NSD3: variants seen among roughly 807,000 people sequenced by gnomAD.
The protein encoded by NSD3 is nuclear receptor binding SET domain protein 3.
In NSD3, 24 loss-of-function variants were observed where a neutral mutation model predicts 160.8. The ratio of observed to expected loss-of-function variants is 0.15; its 90% CI spans 0.11 to 0.21. The LOEUF is 0.21. Ranked by LOEUF, NSD3 falls within the 10% of genes least tolerant of loss-of-function variation. The pLI is 1.00. For missense variants in NSD3, 1,157 were observed against 1,735.9 expected, an observed-to-expected ratio of 0.67 and a Z score of 5.93; for synonymous variants, 520 against 600.0, an observed-to-expected ratio of 0.87 and a Z score of 1.95.
rs1809752489 is a variant in NSD3 at position 38,319,712 on chromosome 8, A to G, written c.1810-772T>C. 6.6e-6 allele frequency: 1 copy of G among 152,248 alleles called. No individual in the cohort carries two copies. Among genetic ancestry groups the G allele is most frequent in the Non-Finnish European group, 1.5e-5 (1 of 68,048 alleles). 9.4% of individuals were successfully genotyped at this position (152,248 alleles called of 1,614,324 possible). On this transcript the variant is annotated intron_variant, in intron 8 of 23. Transcript: ENST00000317025. This position sits in a 1 kb window ranked among gnomAD's most constrained non-coding sequence, Gnocchi z 4.1. ...ATGTTTCTTTAAGATGTGGTGAAAT[A>G]TGAATGTTGAAACACATTTTGTAAA...
intron 20 of NSD3, among the ~76,000 whole-genome samples, chr8:38,280,715 G>C (rs376279960): frequency 3.3e-5 from 5 of 151,400 alleles, no homozygotes; most frequent in African/African-American, 1.2e-4. Flanking sequence ...TAAACTAGCA[G>C]CTTTACTGTC....
At position 38,305,265 on chromosome 8, in the gene NSD3, A is replaced by C. The variant is rs918244544; in HGVS notation, c.2423T>G (p.Ile808Ser). Reference protein sequence around the residue: ...CCSACSMEKDIHKASKGRMMR... With the variant: ...CCSACSMEKDSHKASKGRMMR... ...TGTTTTACCTTTACTTGCTTTGTGG[A>C]TATCTTTCTCCATAGAGCAGGCAGA... Residue 808 changes from isoleucine to serine, a missense_variant, in exon 13 of 24, where the codon ATC becomes AGC. Around this residue, in one of 10 missense-constraint regions of NSD3, gnomAD observed 437 missense variants for 576.6 expected, o/e 0.76. Coordinates refer to ENST00000317025, the MANE Select transcript of NSD3 (RefSeq NM_023034.2). 6.2e-7 allele frequency: 1 copy of C among 1,613,938 alleles called. No homozygotes were observed. Among genetic ancestry groups the C allele is most frequent in the African/African-American group, 1.3e-5 (1 of 74,922 alleles).
At chr8:38,357,155 T>C (rs1477736156) in intron 1 of NSD3, among the ~76,000 whole-genome samples, 2 of 148,776 alleles carry the variant, frequency 1.3e-5, no homozygotes, top group Non-Finnish European at 3.0e-5. Flanking sequence ...AATCCTTACA[T>C]TGATATCATT....
chr8:38,341,443 C>T (rs991341804), intron 2 of NSD3, among the ~76,000 whole-genome samples: 6 of 149,668 alleles, frequency 4.0e-5, no homozygotes, highest in Non-Finnish European at 7.4e-5. Context: ...GAGGCTAAGG[C>T]AGAAGAATTG....
At chr8:38,340,490 A>G (rs1198417733) in intron 2 of NSD3, among the ~76,000 whole-genome samples, 1 of 152,076 alleles carries the variant, frequency 6.6e-6, no homozygotes, top group Non-Finnish European at 1.5e-5. Context: ...GGCCCGCACC[A>G]CCACACCCAG....
chr8:38,352,754 T>G (rs575395953), intron 1 of NSD3, among the ~76,000 whole-genome samples: 42 of 152,182 alleles, frequency 2.8e-4, no homozygotes, highest in African/African-American at 9.6e-4. Flanking sequence ...ACTACAGGCA[T>G]GCGCCACACC....
chr8:38,349,687 ATATATG>A (rs752650332), intron 1 of NSD3, among the ~76,000 whole-genome samples: 1,486 of 124,396 alleles, frequency 0.012, 36 homozygotes, highest in East Asian at 0.045. Flanking sequence ...ATATATATAT[ATATATG>A]TATTTATTAT....
Position 38,315,418 on chromosome 8 carries a change from G to T in NSD3, c.2113C>A (p.Gln705Lys). Residue 705 changes from glutamine to lysine, a missense_variant and splice_region_variant, in exon 11 of 24, where the codon CAG (glutamine) becomes AAG (lysine). Gln to Lys is a moderately conservative substitution (Grantham distance 53, BLOSUM62 1). Around this residue, in one of 10 missense-constraint regions of NSD3, gnomAD observed 437 missense variants for 576.6 expected, o/e 0.76. Coordinates refer to ENST00000317025, the MANE Select transcript of NSD3 (RefSeq NM_023034.2). The part of the protein sequence containing the change: ...TGMSKKDTVC[Q>K]ICESSGDSLI... ...CATAGCACCAGTTACCTGCCTACCT[G>T]ACATACAGTGTCCTTCTTACTCATT... 6.3e-7 allele frequency: 1 copy of T among 1,576,726 alleles called. No homozygotes were observed. Among genetic ancestry groups the T allele is most frequent in the South Asian group, 1.2e-5 (1 of 84,576 alleles).
chr8:38,355,337 G>C (rs763554120), intron 1 of NSD3, among the ~76,000 whole-genome samples: 71 of 151,934 alleles, frequency 4.7e-4, no homozygotes, highest in Non-Finnish European at 8.2e-4. Context: ...CTGGCATACA[G>C]TTAGAGCCTG....
At chr8:38,376,441 T>G (rs948398996) in intron 1 of NSD3, among the ~76,000 whole-genome samples, 87 of 147,466 alleles carry the variant, frequency 5.9e-4, no homozygotes, top group African/African-American at 1.7e-3. Context: ...CTTTCTTTCT[T>G]TTTTTTTTTT....
At chr8:38,367,824 C>T (rs1270245476) in intron 1 of NSD3, among the ~76,000 whole-genome samples, 1 of 152,106 alleles carries the variant, frequency 6.6e-6, no homozygotes, top group Non-Finnish European at 1.5e-5. Context: ...ACAACCAATA[C>T]AGTTAGTGAC....
chr8:38,359,012 G>A (rs1810892864), intron 1 of NSD3, among the ~76,000 whole-genome samples: 1 of 152,054 alleles, frequency 6.6e-6, no homozygotes, highest in South Asian at 2.1e-4. Context: ...CGTAACTATA[G>A]AAGATGCTAA....
intron 10 of NSD3, 82 bp downstream of exon 10, chr8:38,315,830 T>C (rs1809649067): frequency 1.2e-5 from 18 of 1,531,328 alleles, no homozygotes; most frequent in African/African-American, 5.6e-5. Context: ...ATTTTTAAAA[T>C]GTCCTGATTT....
At chr8:38,365,272 C>G (rs551292218) in intron 1 of NSD3, among the ~76,000 whole-genome samples, 4 of 152,196 alleles carry the variant, frequency 2.6e-5, no homozygotes, top group Non-Finnish European at 5.9e-5. Context: ...TGTTATATAT[C>G]TTTCTCCTTG....
At chr8:38,353,675 T>A (rs914713678) in intron 1 of NSD3, among the ~76,000 whole-genome samples, 40 of 152,342 alleles carry the variant, frequency 2.6e-4, no homozygotes, top group Admixed American at 2.4e-3. Flanking sequence ...TACCTTCTTA[T>A]AATTACACAG....
chr8:38,303,051 T>C (rs1157025358), intron 14 of NSD3, among the ~76,000 whole-genome samples: 1 of 152,140 alleles, frequency 6.6e-6, no homozygotes, highest in African/African-American at 2.4e-5. Flanking sequence ...GCCAACATAA[T>C]AGTTATAAAC....
chr8:38,282,516 C>CA (rs767349218), intron 19 of NSD3, among the ~76,000 whole-genome samples: 39 of 152,064 alleles, frequency 2.6e-4, no homozygotes, highest in Non-Finnish European at 5.1e-4. Flanking sequence ...ACTAAGAATA[C>CA]AAAAATTGGT....
At chr8:38,326,244 T>C (rs956713972) in intron 7 of NSD3, among the ~76,000 whole-genome samples, 3 of 152,180 alleles carry the variant, frequency 2.0e-5, no homozygotes, top group Non-Finnish European at 4.4e-5. Flanking sequence ...TTTCAATTCA[T>C]GGTGTCTGCT....
chr8:38,296,282 G>C lies in NSD3; in HGVS notation c.2759-330C>G, dbSNP rs75057605. On this transcript the variant is annotated intron_variant, in intron 15 of 23. Coordinates refer to ENST00000317025, the MANE Select transcript of NSD3 (RefSeq NM_023034.2). ...ACCAAATTGAAGCATAAAATCTTTT[G>C]ACTGAGTAGATTTGAGAGGTTTTTC... Among the ~76,000 whole-genome samples the C allele has an allele frequency of 6.6e-4, 101 of 152,248 alleles. No homozygotes were observed. In the East Asian group the frequency reaches 0.019, roughly 29 times the overall value.
Sources: allele counts gnomAD v4.1 joint callset (sites outside exome capture counted in the v4.1 genomes callset), GRCh38; gene constraint gnomAD v4.1.1; regional missense constraint gnomAD v4.1.1; non-coding constraint Gnocchi (gnomAD v3.1); transcripts MANE v1.5; gene names NCBI Gene and HGNC (gene_info 2026-07-23, HGNC 2026-07-21).